EPHA6: variants seen among roughly 807,000 people sequenced by gnomAD.
The protein encoded by EPHA6 is EPH receptor A6, also known as ephrin type-A receptor 6.
A neutral mutation model predicts 112.0 loss-of-function variants in EPHA6; 50 were observed. The ratio of observed to expected loss-of-function variants is 0.45; its 90% CI spans 0.36 to 0.56. The LOEUF is 0.56. Ranked by LOEUF, EPHA6 falls within the 20% of genes least tolerant of loss-of-function variation. The pLI, the probability that EPHA6 is intolerant of heterozygous loss-of-function variation, is 0.00. For synonymous variants in EPHA6, 529 were observed against 490.7 expected (o/e 1.08, Z -1.03); for missense variants, 1,280 against 1,417.4 (o/e 0.90, Z 1.56).
At chr3:97,009,005 T>A (rs1246608790) in intron 3 of EPHA6, among the ~76,000 whole-genome samples, 1 of 152,116 alleles carries the variant, frequency 6.6e-6, no homozygotes, top group African/African-American at 2.4e-5. Flanking sequence ...TGCCTTCTCC[T>A]TCTTTTGGCA....
intron 3 of EPHA6, among the ~76,000 whole-genome samples, chr3:97,195,323 A>T (rs973210653): frequency 6.6e-6 from 1 of 152,068 alleles, no homozygotes; most frequent in Non-Finnish European, 1.5e-5. Context: ...ACTGATGACA[A>T]CTTAACATTT....
At chr3:97,641,227 A>G (rs2094000811) in intron 14 of EPHA6, among the ~76,000 whole-genome samples, 1 of 152,214 alleles carries the variant, frequency 6.6e-6, no homozygotes, top group African/African-American at 2.4e-5. Context: ...ATAATGCCAA[A>G]TGATCATTGG....
intron 5 of EPHA6, among the ~76,000 whole-genome samples, chr3:97,346,286 G>C (rs1370226432): frequency 1.3e-5 from 2 of 152,078 alleles, no homozygotes; most frequent in Non-Finnish European, 2.9e-5. Context: ...AGAGGCATTA[G>C]CACTGAAGAA....
At chr3:97,201,340 T>C (rs944249126) in intron 3 of EPHA6, among the ~76,000 whole-genome samples, 1 of 152,164 alleles carries the variant, frequency 6.6e-6, no homozygotes, top group Non-Finnish European at 1.5e-5. Context: ...TTGATTAGCA[T>C]TGGTTTTTGT....
chr3:97,354,802 G>C (rs143243557), intron 5 of EPHA6, among the ~76,000 whole-genome samples: 2 of 152,126 alleles, frequency 1.3e-5, no homozygotes, highest in African/African-American at 2.4e-5. Context: ...AATATCACAA[G>C]GCATTTAGTA....
chr3:96,901,642 A>G (rs183184932), intron 2 of EPHA6, among the ~76,000 whole-genome samples: 2 of 152,294 alleles, frequency 1.3e-5, no homozygotes, highest in East Asian at 3.9e-4. Context: ...CAAAAGGCTG[A>G]GAGTGGTGTG....
At chr3:97,523,746 G>A (rs1384080561) in intron 10 of EPHA6, among the ~76,000 whole-genome samples, 1 of 151,880 alleles carries the variant, frequency 6.6e-6, no homozygotes, top group East Asian at 1.9e-4. Flanking sequence ...TTAGATGCAT[G>A]TATATTTTAA....
At chr3:97,196,710 A>G (rs1214666284) in intron 3 of EPHA6, among the ~76,000 whole-genome samples, 2 of 151,398 alleles carry the variant, frequency 1.3e-5, no homozygotes, top group African/African-American at 2.4e-5. Flanking sequence ...ACCAATCCCA[A>G]TAATAGTGTG....
At chr3:97,688,202 G>A (rs1167660672) in intron 14 of EPHA6, among the ~76,000 whole-genome samples, 3 of 152,030 alleles carry the variant, frequency 2.0e-5, no homozygotes, top group East Asian at 1.9e-4. Context: ...GTCTTTCAAT[G>A]TATGTCCAGA....
chr3:97,269,939 A>T (rs1401998534), intron 5 of EPHA6, among the ~76,000 whole-genome samples: 1 of 152,192 alleles, frequency 6.6e-6, no homozygotes, highest in Non-Finnish European at 1.5e-5. Flanking sequence ...GTAGCCAACA[A>T]TTTGTTTTTA....
intron 15 of EPHA6, among the ~76,000 whole-genome samples, chr3:97,723,172 G>A (rs2034607991): frequency 1.3e-5 from 2 of 152,158 alleles, no homozygotes; most frequent in African/African-American, 4.8e-5. Context: ...AATTAGATAG[G>A]ATGTCCACAG....
intron 2 of EPHA6, among the ~76,000 whole-genome samples, chr3:96,941,537 G>T (rs1480342400): frequency 1.3e-5 from 2 of 152,134 alleles, no homozygotes; most frequent in African/African-American, 4.8e-5. Context: ...TTTGCCATTG[G>T]TTTGAATTTC....
At chr3:96,944,098 C>A (rs1429676100) in intron 2 of EPHA6, among the ~76,000 whole-genome samples, 1 of 152,094 alleles carries the variant, frequency 6.6e-6, no homozygotes, top group Non-Finnish European at 1.5e-5. Context: ...GTTAACTCTC[C>A]ATGAAAGAAT....
At chr3:97,543,480 C>T (rs1318179286) in intron 11 of EPHA6, among the ~76,000 whole-genome samples, 1 of 152,172 alleles carries the variant, frequency 6.6e-6, no homozygotes, top group Non-Finnish European at 1.5e-5. Context: ...CAGTACCATG[C>T]TGTTTTGGTT....
At chr3:97,491,828 G>A (rs959436684) in intron 10 of EPHA6, among the ~76,000 whole-genome samples, 2 of 151,906 alleles carry the variant, frequency 1.3e-5, no homozygotes, top group African/African-American at 4.8e-5. Flanking sequence ...GCCACCATGT[G>A]TTTGTAGGCA....
intron 13 of EPHA6, among the ~76,000 whole-genome samples, chr3:97,614,654 T>C (rs1357376084): frequency 6.6e-6 from 1 of 152,024 alleles, no homozygotes; most frequent in Non-Finnish European, 1.5e-5. Flanking sequence ...CCCTGGCCTA[T>C]ACTTACATTT....
At chr3:97,450,138 A>C (rs550062466) in intron 7 of EPHA6, among the ~76,000 whole-genome samples, 1 of 152,116 alleles carries the variant, frequency 6.6e-6, no homozygotes, top group Admixed American at 6.6e-5. Flanking sequence ...AGAGAAAATT[A>C]TTAGGAGTAG....
At chr3:96,905,971 A>G (rs910172548) in intron 2 of EPHA6, among the ~76,000 whole-genome samples, 1 of 152,104 alleles carries the variant, frequency 6.6e-6, no homozygotes, top group Admixed American at 6.6e-5. Context: ...ATGTATATGG[A>G]TTTGTACATC....
chr3:96,953,419 C>A (rs2107727612), intron 2 of EPHA6, among the ~76,000 whole-genome samples: 1 of 152,116 alleles, frequency 6.6e-6, no homozygotes, highest in African/African-American at 2.4e-5. Context: ...TTTAAAATTG[C>A]CTGGAATTTT....
Sources: allele counts gnomAD v4.1 joint callset (sites outside exome capture counted in the v4.1 genomes callset), GRCh38; gene constraint gnomAD v4.1.1; transcripts MANE v1.5; gene names NCBI Gene and HGNC (gene_info 2026-07-23, HGNC 2026-07-21).